ZNF804A: variants seen among roughly 807,000 people sequenced by gnomAD.
The protein encoded by ZNF804A is zinc finger protein 804A.
In ZNF804A, 2 loss-of-function variants were observed where a neutral mutation model predicts 16.5. The ratio of observed to expected loss-of-function variants is 0.12; its 90% CI spans 0.05 to 0.38. The LOEUF (loss-of-function observed/expected upper bound fraction) is 0.38, where lower values mean the gene tolerates loss of function less well. Ranked by LOEUF, ZNF804A falls within the 10% of genes least tolerant of loss-of-function variation. The pLI is 0.99. For synonymous variants in ZNF804A, 534 were observed against 489.6 expected, an observed-to-expected ratio of 1.09 and a Z score of -1.20; for missense variants, 1,473 against 1,390.7, an observed-to-expected ratio of 1.06 and a Z score of -0.94.
chr2:184,860,061 G>T (rs1695772828), intron 1 of ZNF804A, among the ~76,000 whole-genome samples: 1 of 152,186 alleles, frequency 6.6e-6, no homozygotes, highest in South Asian at 2.1e-4. Flanking sequence ...TTGGAACCTG[G>T]GTCTACAGGG....
intron 1 of ZNF804A, among the ~76,000 whole-genome samples, chr2:184,707,973 A>G (rs1050945000): frequency 7.8e-4 from 119 of 152,066 alleles, no homozygotes; most frequent in African/African-American, 2.7e-3. Flanking sequence ...TTTTACTAAT[A>G]GCCATTCTGA....
chr2:184,749,386 T>C (rs577427844), intron 1 of ZNF804A, among the ~76,000 whole-genome samples: 20 of 151,490 alleles, frequency 1.3e-4, no homozygotes, highest in Admixed American at 4.6e-4. Context: ...TTGGATGTTA[T>C]TGGTGTAGAG....
chr2:184,843,143 C>A (rs1440166718), intron 1 of ZNF804A, among the ~76,000 whole-genome samples: 1 of 152,160 alleles, frequency 6.6e-6, no homozygotes, highest in East Asian at 1.9e-4. Flanking sequence ...TTCGTGGGAA[C>A]TTTCTTTGAG....
At chr2:184,685,000 C>T (rs1692605043) in intron 1 of ZNF804A, among the ~76,000 whole-genome samples, 1 of 152,120 alleles carries the variant, frequency 6.6e-6, no homozygotes, top group Non-Finnish European at 1.5e-5. Context: ...TCCGCCCATT[C>T]AGCCCACCAG....
chr2:184,624,386 G>C (rs1262284179), intron 1 of ZNF804A, among the ~76,000 whole-genome samples: 1 of 152,030 alleles, frequency 6.6e-6, no homozygotes, highest in Non-Finnish European at 1.5e-5. Context: ...ATCTCACTTT[G>C]ATAAAAATAT....
chr2:184,771,598 T>TA (rs751902807), intron 1 of ZNF804A, among the ~76,000 whole-genome samples: 141 of 138,476 alleles, frequency 1.0e-3, no homozygotes, highest in African/African-American at 2.3e-3. Flanking sequence ...AATTTTAAAA[T>TA]AAAAAAAAAA....
intron 1 of ZNF804A, among the ~76,000 whole-genome samples, chr2:184,828,485 T>C (rs1695207919): frequency 6.6e-6 from 1 of 151,864 alleles, no homozygotes; most frequent in African/African-American, 2.4e-5. Context: ...GCTCTTTGTT[T>C]ATTTTCCTTC....
In ZNF804A at chr2:184,895,435, G is replaced by A. The variant is rs374405312; in HGVS notation, c.255+28923G>A. Among the ~76,000 whole-genome samples the A allele has an allele frequency of 2.2e-4, 34 of 152,228 alleles. 2 individuals are homozygous for A. The highest frequency in any genetic ancestry group is 7.7e-4 in the African/African-American group (32 of 41,546). On this transcript the variant is annotated intron_variant, in intron 2 of 3. Coordinates refer to ENST00000302277, the MANE Select transcript of ZNF804A (RefSeq NM_194250.2). Reference sequence around the variant, plus strand: ...AGCTCATGCTCTCTGATATGCAGATGTTCAAATGAATACTGAATCGTTAAT... The same window carrying A: ...AGCTCATGCTCTCTGATATGCAGATATTCAAATGAATACTGAATCGTTAAT...
At chr2:184,632,824 C>T (rs1691634961) in intron 1 of ZNF804A, among the ~76,000 whole-genome samples, 1 of 152,124 alleles carries the variant, frequency 6.6e-6, no homozygotes, top group Non-Finnish European at 1.5e-5. Context: ...CCCTATCTGG[C>T]CAGAGTTTAG....
chr2:184,801,194 A>G (rs1358844833), intron 1 of ZNF804A, among the ~76,000 whole-genome samples: 1 of 152,006 alleles, frequency 6.6e-6, no homozygotes, highest in Non-Finnish European at 1.5e-5. Context: ...TTGTTCTTTA[A>G]TCGGTATTGT....
intron 1 of ZNF804A, among the ~76,000 whole-genome samples, chr2:184,772,842 G>GGAAA (rs1296007572): frequency 6.6e-6 from 1 of 150,824 alleles, no homozygotes; most frequent in African/African-American, 2.4e-5. Flanking sequence ...CCTAGTGGAT[G>GGAAA]TGACATGGTA....
chr2:184,711,455 T>C (rs975999530), intron 1 of ZNF804A, among the ~76,000 whole-genome samples: 1 of 151,828 alleles, frequency 6.6e-6, no homozygotes, highest in Non-Finnish European at 1.5e-5. Context: ...ATACTGTATG[T>C]TGCCTCTGCA....
In ZNF804A at chr2:184,937,095, C is replaced by A. The variant is rs1025937301; in HGVS notation, c.1699C>A (p.Gln567Lys). Residue 567 changes from glutamine (Q) to lysine (K), a missense_variant, in exon 4 of 4, where the codon CAA becomes AAA. Gln to Lys is a moderately conservative substitution (Grantham distance 53, BLOSUM62 1). Coordinates refer to ENST00000302277, the MANE Select transcript of ZNF804A (RefSeq NM_194250.2). The stretch of plus-strand genomic sequence containing the variant: ...AGAAAAGTATAATTTTACTAAAAGT[C>A]AAATAAAACAGGACACTCTAGATGA... ...ETEKYNFTKS[Q>K]IKQDTLDEKY... is the part of the protein sequence containing the mutation. 2 of 1,604,196 alleles carry A rather than the reference C, an allele frequency of 1.2e-6. No homozygotes were observed. Among genetic ancestry groups the A allele is most frequent in the South Asian group, 2.2e-5 (2 of 89,490 alleles).
At chr2:184,767,411 A>G (rs1438410354) in intron 1 of ZNF804A, among the ~76,000 whole-genome samples, 1 of 152,138 alleles carries the variant, frequency 6.6e-6, no homozygotes, top group Non-Finnish European at 1.5e-5. Flanking sequence ...ACTCATAGAC[A>G]CAGAAAGTAG....
intron 1 of ZNF804A, among the ~76,000 whole-genome samples, chr2:184,639,956 C>T (rs1287478065): frequency 1.6e-4 from 25 of 151,988 alleles, no homozygotes; most frequent in African/African-American, 6.0e-4. Context: ...GAGCCGAGAT[C>T]GCACCACTGC....
chr2:184,876,315 G>A (rs148500388), intron 2 of ZNF804A, among the ~76,000 whole-genome samples: 313 of 151,998 alleles, frequency 2.1e-3, no homozygotes, highest in African/African-American at 6.9e-3. Context: ...ATGTACTAAA[G>A]CTTAATTTAA....
chr2:184,680,463 C>T (rs151168452), intron 1 of ZNF804A, among the ~76,000 whole-genome samples: 3 of 152,358 alleles, frequency 2.0e-5, no homozygotes, highest in African/African-American at 2.4e-5. Flanking sequence ...CACTATGGGT[C>T]TCCTCACTGC....
At chr2:184,787,574 T>C (rs1694467859) in intron 1 of ZNF804A, among the ~76,000 whole-genome samples, 1 of 152,042 alleles carries the variant, frequency 6.6e-6, no homozygotes, top group African/African-American at 2.4e-5. Flanking sequence ...TATCTCATTG[T>C]GGTTTTAATT....
In ZNF804A at chr2:184,937,189, A is replaced by G. The variant is rs747864654; in HGVS notation, c.1793A>G (p.Lys598Arg). Residue 598 changes from lysine (K) to arginine (R), a missense_variant, in exon 4 of 4, where the codon AAA becomes AGA. Lys to Arg is a conservative substitution (Grantham distance 26). Coordinates refer to ENST00000302277, the MANE Select transcript of ZNF804A (RefSeq NM_194250.2). ...TTCCATAAAAGTAGAAGAAAGAAAAAAAGAAAAAAGTTATGTCAGCATCAT... is the reference window on the plus strand; with the variant it reads ...TTCCATAAAAGTAGAAGAAAGAAAAGAAGAAAAAAGTTATGTCAGCATCAT... ...YWFHKSRRKK[K>R]RKKLCQHHHM... 16 of 1,596,344 alleles carry G rather than the reference A, an allele frequency of 1.0e-5. No homozygotes were observed. Among genetic ancestry groups the G allele is most frequent in the South Asian group, 3.4e-5 (3 of 87,522 alleles).
Sources: gnomAD v4.1 joint callset for allele counts (sites outside exome capture counted in the v4.1 genomes callset) on GRCh38, gnomAD v4.1.1 for gene constraint, MANE v1.5 for transcripts, NCBI Gene and HGNC (gene_info 2026-07-23, HGNC 2026-07-21) for gene names.